Variants in ARHGAP24 observed in about 807,000 individuals in gnomAD.
ARHGAP24 encodes rho GTPase-activating protein 24.
A neutral mutation model predicts 76.4 loss-of-function variants in ARHGAP24; 50 were observed. The ratio of observed to expected loss-of-function variants is 0.65; its 90% CI spans 0.52 to 0.83. The LOEUF (loss-of-function observed/expected upper bound fraction) is 0.83, where lower values mean the gene tolerates loss of function less well. Among genes scored for constraint, ARHGAP24 ranks in the 40% least tolerant of loss-of-function variants. ARHGAP24 has a pLI of 0.00. For missense variants in ARHGAP24, 930 were observed against 914.2 expected, an observed-to-expected ratio of 1.02 and a Z score of -0.22; for synonymous variants, 345 against 323.3, an observed-to-expected ratio of 1.07 and a Z score of -0.72.
chr4:85,901,374 C>G (rs981292720), intron 3 of ARHGAP24, among the ~76,000 whole-genome samples: 1 of 151,204 alleles, frequency 6.6e-6, no homozygotes, highest in African/African-American at 2.4e-5. Context: ...AGAGGGAAAA[C>G]AAACAAACAA....
chr4:85,859,446 G>A (rs1050593800), intron 3 of ARHGAP24, among the ~76,000 whole-genome samples: 3 of 151,948 alleles, frequency 2.0e-5, no homozygotes, highest in African/African-American at 4.8e-5. Context: ...GAGTAATCTC[G>A]GCAGATAAAA....
At chr4:85,668,514 G>T (rs1190369897) in intron 2 of ARHGAP24, among the ~76,000 whole-genome samples, 3 of 152,138 alleles carry the variant, frequency 2.0e-5, no homozygotes, top group Non-Finnish European at 4.4e-5. Flanking sequence ...ACAAGTACAG[G>T]TTACTATAGT....
At chr4:85,867,882 A>G (rs1313981207) in intron 3 of ARHGAP24, among the ~76,000 whole-genome samples, 1 of 107,566 alleles carries the variant, frequency 9.3e-6, no homozygotes, top group Non-Finnish European at 1.9e-5. Context: ...ATAAACATAT[A>G]TAATGTGTGT....
chr4:85,570,357 TTTCTTTC>T (rs1727074735), intron 1 of ARHGAP24, among the ~76,000 whole-genome samples, 158 bp from the exon 2 acceptor site: 1 of 146,278 alleles, frequency 6.8e-6, no homozygotes, highest in Admixed American at 6.9e-5. Flanking sequence ...TTCTTCTTTC[TTTCTTTC>T]TCTTTCTTTC....
chr4:85,903,586 T>C lies in ARHGAP24; in HGVS notation c.269-20062T>C, dbSNP rs1578368516. On this transcript the variant is annotated intron_variant, in intron 3 of 9. Transcript: ENST00000395184. ...CTGCTACAATGTACAACTCTAAAACTGTTTCAGTTTAAAGCATTCTTTATA... is the reference window on the plus strand; with the variant it reads ...CTGCTACAATGTACAACTCTAAAACCGTTTCAGTTTAAAGCATTCTTTATA... Among the ~76,000 whole-genome samples, 2 of 152,182 alleles carry C rather than the reference T, an allele frequency of 1.3e-5. 1 individual carries two copies. The highest frequency in any genetic ancestry group is 1.3e-4 in the Admixed American group (2 of 15,286).
At chr4:85,894,841 A>T (rs1298473550) in intron 3 of ARHGAP24, among the ~76,000 whole-genome samples, 1 of 151,636 alleles carries the variant, frequency 6.6e-6, no homozygotes, top group Non-Finnish European at 1.5e-5. Flanking sequence ...CATGCCTGTA[A>T]TCCCAGTTAC....
chr4:85,764,724 T>C (rs1207963463), intron 3 of ARHGAP24, among the ~76,000 whole-genome samples: 1 of 152,124 alleles, frequency 6.6e-6, no homozygotes, highest in Non-Finnish European at 1.5e-5. Context: ...GGGTGAGGGA[T>C]CACTTTCTGA....
At chr4:85,577,720 C>T (rs1727438144) in intron 2 of ARHGAP24, among the ~76,000 whole-genome samples, 1 of 152,072 alleles carries the variant, frequency 6.6e-6, no homozygotes, top group Non-Finnish European at 1.5e-5. Flanking sequence ...AAATAGGGAA[C>T]CATTGGAAGT....
Position 85,750,014 on chromosome 4 carries a change from G to A in ARHGAP24, c.268+28042G>A, listed in dbSNP as rs1053867339. ...GTCATGCATCCATCCATGACTGCAT[G>A]CAGACAGACATCCATCCACCTGCCC... is the stretch of plus-strand genomic sequence containing the variant. On this transcript the variant is annotated intron_variant, in intron 3 of 9. Transcript: ENST00000395184. Among the ~76,000 whole-genome samples the A allele has an allele frequency of 2.0e-5, 3 of 152,270 alleles. No homozygotes were observed. The South Asian group carries it at 6.2e-4, about 32-fold the overall frequency.
At chr4:85,567,900 G>C (rs1263252968) in intron 1 of ARHGAP24, among the ~76,000 whole-genome samples, 3 of 152,064 alleles carry the variant, frequency 2.0e-5, no homozygotes, top group Non-Finnish European at 4.4e-5. Flanking sequence ...ATATAAGTCT[G>C]TTTTCATTTC....
rs570338242 is a variant in ARHGAP24, at chr4:85,732,970, T to G, written c.268+10998T>G. 4.0e-5 allele frequency among the ~76,000 whole-genome samples: 6 copies of G among 150,888 alleles called. No homozygotes were observed. The East Asian group carries it at 1.2e-3, about 29-fold the overall frequency. On this transcript the variant is annotated intron_variant, in intron 3 of 9. Coordinates refer to ENST00000395184, the MANE Select transcript of ARHGAP24 (RefSeq NM_001025616.3). ...GCCTCGGCCTCCCAAAGTGCTGGAA[T>G]TACAGGCGTGAGCCACCGCGCCCGA... is the stretch of plus-strand genomic sequence containing the variant.
At chr4:85,632,021 A>G (rs542175971) in intron 2 of ARHGAP24, among the ~76,000 whole-genome samples, 19 of 152,148 alleles carry the variant, frequency 1.2e-4, no homozygotes, top group Middle Eastern at 3.4e-3. Flanking sequence ...TCCTTTATTT[A>G]TGGAAAGTTT....
intron 2 of ARHGAP24, among the ~76,000 whole-genome samples, chr4:85,702,618 CAA>C (rs1260664956): frequency 6.6e-6 from 1 of 151,952 alleles, no homozygotes; most frequent in Admixed American, 6.6e-5. Context: ...CTTTTTTACA[CAA>C]ATTGTCAATA....
At chr4:85,626,252 T>G (rs1420671006) in intron 2 of ARHGAP24, among the ~76,000 whole-genome samples, 2 of 152,178 alleles carry the variant, frequency 1.3e-5, no homozygotes, top group Non-Finnish European at 2.9e-5. Flanking sequence ...AGGAGCTCTT[T>G]TAGGGCAGGC....
At chr4:85,579,130 C>A (rs1167753725) in intron 2 of ARHGAP24, among the ~76,000 whole-genome samples, 1 of 151,960 alleles carries the variant, frequency 6.6e-6, no homozygotes, top group Non-Finnish European at 1.5e-5. Flanking sequence ...AACCGGCTAC[C>A]CCAGAGACAG....
intron 3 of ARHGAP24, among the ~76,000 whole-genome samples, chr4:85,840,329 G>T (rs1730530922): frequency 6.6e-6 from 1 of 152,096 alleles, no homozygotes; most frequent in African/African-American, 2.4e-5. Flanking sequence ...GGAACATAAG[G>T]AATCATTTTT....
chr4:85,954,893 C>T (rs1737822435), intron 5 of ARHGAP24, among the ~76,000 whole-genome samples: 1 of 152,124 alleles, frequency 6.6e-6, no homozygotes, highest in South Asian at 2.1e-4. Context: ...GCCTGTAATC[C>T]CAGCTCCTCA....
chr4:85,722,376 TGC>T, intron 3 of ARHGAP24: 1 of 171,000 alleles, frequency 5.8e-6, no homozygotes, highest in South Asian at 1.3e-4. Context: ...AAGGAGGTTT[TGC>T]AAAAAACAAA....
chr4:85,866,804 T>A (rs1306539963), intron 3 of ARHGAP24, among the ~76,000 whole-genome samples: 1 of 152,098 alleles, frequency 6.6e-6, no homozygotes, highest in African/African-American at 2.4e-5. Flanking sequence ...CATCACAGTG[T>A]CTGTTCCCAA....
Sources: allele counts gnomAD v4.1 joint callset (sites outside exome capture counted in the v4.1 genomes callset), GRCh38; gene constraint gnomAD v4.1.1; transcripts MANE v1.5; gene names NCBI Gene and HGNC (gene_info 2026-07-23, HGNC 2026-07-21).